SULF1: variants seen among roughly 807,000 people sequenced by gnomAD.
The protein encoded by SULF1 is extracellular sulfatase Sulf-1.
SULF1 carries 46 observed loss-of-function variants against 110.5 expected under a neutral mutation model. The ratio of observed to expected loss-of-function variants is 0.42; its 90% CI spans 0.33 to 0.53. SULF1 has a LOEUF of 0.53. Among genes scored for constraint, SULF1 ranks in the 20% least tolerant of loss-of-function variants. The probability of loss-of-function intolerance (pLI) is 0.12; values close to 1 mark genes in which losing one functional copy is unlikely to be tolerated. For missense variants in SULF1, 941 were observed against 1,094.2 expected, an observed-to-expected ratio of 0.86 and a Z score of 1.98; for synonymous variants, 371 against 387.1, an observed-to-expected ratio of 0.96 and a Z score of 0.49.
intron 15 of SULF1, chr8:69,625,852 C>T (rs1809968435): frequency 6.6e-6 from 1 of 152,408 alleles, no homozygotes. Flanking sequence ...GCCCCACCCA[C>T]ATCCTGCTGA....
intron 1 of SULF1, among the ~76,000 whole-genome samples, chr8:69,485,871 A>G (rs1809685418): frequency 6.6e-6 from 1 of 152,156 alleles, no homozygotes; most frequent in Admixed American, 6.6e-5. Context: ...TGTGTCTGGA[A>G]TCCACTGTTT....
At position 69,621,268 on chromosome 8, in the gene SULF1, T is replaced by C; in HGVS notation, c.1594+17T>C. On this transcript the variant is annotated intron_variant, in intron 14 of 22. Transcript: ENST00000402687. ...GGACTCCAAGTAAGCCACGCTTTTGTGACCATCTCAATGGTGGCCTAGGCC... is the reference window on the plus strand; with the variant it reads ...GGACTCCAAGTAAGCCACGCTTTTGCGACCATCTCAATGGTGGCCTAGGCC... The C allele has an allele frequency of 6.2e-7, 1 of 1,600,810 alleles. No individual in the cohort carries two copies. Among genetic ancestry groups the C allele is most frequent in the Non-Finnish European group, 8.5e-7 (1 of 1,171,180 alleles).
chr8:69,646,938 ATTTTTTTT>A (rs532105097), intron 22 of SULF1, among the ~76,000 whole-genome samples: 3 of 97,740 alleles, frequency 3.1e-5, no homozygotes, highest in Non-Finnish European at 4.0e-5. Context: ...GAGCCCTGGA[ATTTTTTTT>A]TTTTTTTTTT....
intron 22 of SULF1, among the ~76,000 whole-genome samples, chr8:69,645,529 A>G (rs915646806): frequency 2.0e-5 from 3 of 152,242 alleles, no homozygotes; most frequent in Non-Finnish European, 4.4e-5. Flanking sequence ...GTTAGAATGC[A>G]CGATGCAAAG....
intron 3 of SULF1, among the ~76,000 whole-genome samples, chr8:69,528,066 A>G (rs1229237238): frequency 6.6e-6 from 1 of 152,168 alleles, no homozygotes; most frequent in East Asian, 1.9e-4. Context: ...TTTTATGTCC[A>G]ACTGCACAGT....
intron 13 of SULF1, among the ~76,000 whole-genome samples, chr8:69,606,269 G>A (rs925744844): frequency 2.6e-5 from 4 of 152,162 alleles, no homozygotes; most frequent in African/African-American, 7.2e-5. Flanking sequence ...CTAAAACTAA[G>A]CCTTCACTAC....
At chr8:69,616,124 ATGTGTATATATATACACACATATATGTG>A (rs1322012372) in intron 13 of SULF1, among the ~76,000 whole-genome samples, 4 of 127,602 alleles carry the variant, frequency 3.1e-5, no homozygotes, top group Non-Finnish European at 5.2e-5. Flanking sequence ...TGTATATATA[ATGTGTATATATATACACACATATATGTG>A]TGTGTATATA....
intron 1 of SULF1, among the ~76,000 whole-genome samples, chr8:69,476,712 G>T (rs528952502): frequency 3.3e-5 from 5 of 152,192 alleles, no homozygotes; most frequent in Non-Finnish European, 7.3e-5. Flanking sequence ...GCCAGCCTAA[G>T]TATCAGCACC....
intron 3 of SULF1, among the ~76,000 whole-genome samples, chr8:69,558,058 A>C (rs1229093697): frequency 1.3e-5 from 2 of 152,234 alleles, no homozygotes; most frequent in Non-Finnish European, 2.9e-5. Context: ...GGTTGTTAAA[A>C]GAAGAAATTA....
chr8:69,583,686 A>T (rs1480023923), intron 6 of SULF1, among the ~76,000 whole-genome samples: 2 of 152,204 alleles, frequency 1.3e-5, no homozygotes, highest in South Asian at 4.1e-4. Context: ...AACAAAAAGG[A>T]TGGAGCCCTG....
Position 69,658,596 on chromosome 8 carries a change from T to C in SULF1, c.*61T>C. 1 of 1,362,844 alleles carries C rather than the reference T, an allele frequency of 7.3e-7. No homozygotes were observed. Among genetic ancestry groups the C allele is most frequent in the Non-Finnish European group, 1.1e-6 (1 of 950,652 alleles). 84.4% of individuals were successfully genotyped at this position (1,362,844 alleles called of 1,614,324 possible). A position where few individuals can be genotyped will look rare whatever the true frequency, so the allele number is the denominator to read the frequency against. On this transcript the variant is annotated 3_prime_UTR_variant, in exon 23 of 23. Coordinates refer to ENST00000402687, the MANE Select transcript of SULF1 (RefSeq NM_001128205.2). Reference sequence around the variant, plus strand: ...GCCTAGAGGAGCTACACAGTGTGAATGAAAACATCTATGAGTACAGACAAA... The same window carrying C: ...GCCTAGAGGAGCTACACAGTGTGAACGAAAACATCTATGAGTACAGACAAA...
intron 18 of SULF1, among the ~76,000 whole-genome samples, chr8:69,628,735 AT>A (rs1810292592): frequency 6.6e-6 from 1 of 152,244 alleles, no homozygotes; most frequent in Non-Finnish European, 1.5e-5. Context: ...ATAATAAAAA[AT>A]AATTCTAAAA....
chr8:69,508,403 C>A (rs1811340851), intron 3 of SULF1, among the ~76,000 whole-genome samples: 1 of 152,136 alleles, frequency 6.6e-6, no homozygotes, highest in Non-Finnish European at 1.5e-5. Context: ...CCAGGCCCGG[C>A]CAGGTAATTA....
chr8:69,621,324 G>T (rs759765475), intron 14 of SULF1, 73 bp downstream of exon 14: 402 of 1,106,554 alleles, frequency 3.6e-4, no homozygotes, highest in Non-Finnish European at 4.1e-4. Flanking sequence ...AGACGAAAGG[G>T]TTGCTCCTTC....
At chr8:69,647,179 G>A (rs1811983615) in intron 22 of SULF1, among the ~76,000 whole-genome samples, 1 of 151,848 alleles carries the variant, frequency 6.6e-6, no homozygotes, top group Non-Finnish European at 1.5e-5. Flanking sequence ...TCCTGCTCAA[G>A]TGATCCTCCC....
chr8:69,641,552 T>C (rs1586618669), intron 22 of SULF1, among the ~76,000 whole-genome samples: 2 of 152,050 alleles, frequency 1.3e-5, no homozygotes, highest in Non-Finnish European at 2.9e-5. Flanking sequence ...TGAGACTAGC[T>C]TGGGCAACAA....
intron 3 of SULF1, among the ~76,000 whole-genome samples, chr8:69,561,067 A>C (rs571307245): frequency 1.3e-5 from 2 of 152,226 alleles, no homozygotes; most frequent in Non-Finnish European, 2.9e-5. Context: ...AGGTGACCAC[A>C]GTTAATAACA....
chr8:69,485,961 C>T lies in SULF1; in HGVS notation c.-390-9804C>T, dbSNP rs556502832. ...CCTGCTTGAATGACTGCCTGTCCCT[C>T]GGGCTGAAGTCACAACATTCAGGTT... On this transcript the variant is annotated intron_variant, in intron 1 of 22. Transcript: ENST00000260128. Among the ~76,000 whole-genome samples the T allele has an allele frequency of 2.2e-3, 332 of 152,270 alleles. 2 individuals are homozygous for T. Among genetic ancestry groups the T allele is most frequent in the Non-Finnish European group, 3.1e-3 (211 of 68,030 alleles).
intron 19 of SULF1, among the ~76,000 whole-genome samples, chr8:69,634,606 CA>C (rs959987958): frequency 1.1e-4 from 17 of 151,802 alleles, no homozygotes; most frequent in African/African-American, 3.9e-4. Flanking sequence ...CTATCTCTAC[CA>C]AAAAAATATG....
Sources: allele counts gnomAD v4.1 joint callset (sites outside exome capture counted in the v4.1 genomes callset), GRCh38; gene constraint gnomAD v4.1.1; transcripts MANE v1.5; gene names NCBI Gene and HGNC (gene_info 2026-07-23, HGNC 2026-07-21).